ABTB3: variants seen among roughly 807,000 people sequenced by gnomAD.
ABTB3 encodes the protein ankyrin repeat- and BTB/POZ domain-containing protein 3.
chr12:107,446,760 A>G, the ABTB3 span, among the ~76,000 whole-genome samples: 4 of 152,100 alleles, frequency 2.6e-5, no homozygotes, highest in Admixed American at 6.6e-5. Context: ...AAGAGGCGGG[A>G]CTCAAATTCT....
At chr12:107,519,248 CT>C in the ABTB3 span, among the ~76,000 whole-genome samples, 2 of 152,074 alleles carry the variant, frequency 1.3e-5, no homozygotes, top group Non-Finnish European at 2.9e-5. Flanking sequence ...GCATGTTTTT[CT>C]TTTCTTTTTC....
At chr12:107,451,435 T>A in the ABTB3 span, among the ~76,000 whole-genome samples, 2 of 152,246 alleles carry the variant, frequency 1.3e-5, no homozygotes. Flanking sequence ...AATGGATGGA[T>A]GTGCTCCCTG....
chr12:107,534,991 A>G, the ABTB3 span, among the ~76,000 whole-genome samples: 1 of 152,208 alleles, frequency 6.6e-6, no homozygotes, highest in African/African-American at 2.4e-5. Flanking sequence ...TCACAACAAA[A>G]AAGAAAATTA....
At chr12:107,335,671 C>A in the ABTB3 span, among the ~76,000 whole-genome samples, 3 of 152,140 alleles carry the variant, frequency 2.0e-5, no homozygotes, top group African/African-American at 7.2e-5. Flanking sequence ...CTCTGACTAC[C>A]CACGGAGCTG....
At chr12:107,319,480 G>A in the ABTB3 span, 3 of 1,598,904 alleles carry the variant, frequency 1.9e-6, no homozygotes, top group South Asian at 3.4e-5. Context: ...ACTGTACGGC[G>A]GCTGCGCTGG....
At chr12:107,592,742 G>C in the ABTB3 span, among the ~76,000 whole-genome samples, 1 of 152,222 alleles carries the variant, frequency 6.6e-6, no homozygotes, top group Admixed American at 6.5e-5. Flanking sequence ...GCATAGGAAT[G>C]ACAAATGTCA....
the ABTB3 span, chr12:107,616,965 A>C: frequency 7.5e-6 from 7 of 927,938 alleles, no homozygotes; most frequent in African/African-American, 1.6e-5. Context: ...CAGCCTGTGC[A>C]CGCTGTCACC....
At chr12:107,422,730 G>A in the ABTB3 span, among the ~76,000 whole-genome samples, 1 of 152,208 alleles carries the variant, frequency 6.6e-6, no homozygotes, top group Non-Finnish European at 1.5e-5. Context: ...ATACTAGGTT[G>A]TATTAATTAG....
chr12:107,547,089 G>C, the ABTB3 span, among the ~76,000 whole-genome samples: 1 of 152,020 alleles, frequency 6.6e-6, no homozygotes, highest in Non-Finnish European at 1.5e-5. Flanking sequence ...AGCTACTTAG[G>C]GGGCTGAAGC....
the ABTB3 span, among the ~76,000 whole-genome samples, chr12:107,363,229 C>G: frequency 1.3e-5 from 2 of 152,256 alleles, no homozygotes; most frequent in African/African-American, 4.8e-5. Context: ...AGAACCACTT[C>G]ACCATGTGTT....
the ABTB3 span, among the ~76,000 whole-genome samples, chr12:107,481,883 GTCTCTCTCTCTC>G: frequency 0.029 from 3,088 of 108,326 alleles, 89 homozygotes; most frequent in African/African-American, 0.081. Context: ...GAAATCAAGA[GTCTCTCTCTCTC>G]TCTCTCTCTC....
At chr12:107,557,920 A>AG in the ABTB3 span, among the ~76,000 whole-genome samples, 1 of 152,128 alleles carries the variant, frequency 6.6e-6, no homozygotes. Context: ...TTTGCCAGGG[A>AG]GGGGGGACTC....
chr12:107,514,905 C>T, the ABTB3 span, among the ~76,000 whole-genome samples: 1 of 152,104 alleles, frequency 6.6e-6, no homozygotes, highest in African/African-American at 2.4e-5. Flanking sequence ...ACAAAGTAGT[C>T]GAAAGCTGGG....
chr12:107,346,091 G>T, the ABTB3 span, among the ~76,000 whole-genome samples: 1 of 152,220 alleles, frequency 6.6e-6, no homozygotes, highest in South Asian at 2.1e-4. Context: ...GTTGAGAGTG[G>T]CGTGGAGCGG....
the ABTB3 span, among the ~76,000 whole-genome samples, chr12:107,344,264 C>T: frequency 6.6e-6 from 1 of 152,196 alleles, no homozygotes; most frequent in Non-Finnish European, 1.5e-5. Context: ...TTGGCCAGCA[C>T]TTAGTCCCCC....
chr12:107,381,089 A>AC, the ABTB3 span, among the ~76,000 whole-genome samples: 65,676 of 151,632 alleles, frequency 0.43, 14,571 homozygotes, highest in East Asian at 0.71. Context: ...TACACTACCC[A>AC]CCCCCCATCA....
chr12:107,496,055 C>T, the ABTB3 span, among the ~76,000 whole-genome samples: 2 of 152,148 alleles, frequency 1.3e-5, no homozygotes, highest in African/African-American at 2.4e-5. Context: ...TTATTACTAT[C>T]GCTATCATTT....
the ABTB3 span, among the ~76,000 whole-genome samples, chr12:107,530,149 G>T: frequency 6.6e-6 from 1 of 152,158 alleles, no homozygotes; most frequent in Non-Finnish European, 1.5e-5. Flanking sequence ...CAAGCTGAAA[G>T]GTGCTCTGAG....
the ABTB3 span, chr12:107,617,509 C>A: frequency 6.4e-7 from 1 of 1,566,486 alleles, no homozygotes; most frequent in African/African-American, 1.4e-5. Context: ...AGGCCTACCC[C>A]AGACCCATTG....
Sources: allele counts gnomAD v4.1 joint callset (sites outside exome capture counted in the v4.1 genomes callset), GRCh38; gene constraint gnomAD v4.1.1; transcripts MANE v1.5; gene names NCBI Gene and HGNC (gene_info 2026-07-23, HGNC 2026-07-21).